GALNTL6: variants seen among roughly 807,000 people sequenced by gnomAD.
GALNTL6 encodes the protein polypeptide N-acetylgalactosaminyltransferase-like 6.
GALNTL6 carries 46 observed loss-of-function variants against 73.7 expected under a neutral mutation model. The ratio of observed to expected loss-of-function variants is 0.62; its 90% CI spans 0.49 to 0.80. GALNTL6 has a LOEUF of 0.80. Among genes scored for constraint, GALNTL6 ranks in the 30% least tolerant of loss-of-function variants. The probability of loss-of-function intolerance (pLI) is 0.00; values close to 1 mark genes in which losing one functional copy is unlikely to be tolerated. For missense variants in GALNTL6, 604 were observed against 755.0 expected, an observed-to-expected ratio of 0.80 and a Z score of 2.34; for synonymous variants, 259 against 263.7, an observed-to-expected ratio of 0.98 and a Z score of 0.17.
intron 2 of GALNTL6, among the ~76,000 whole-genome samples, chr4:172,026,452 A>G (rs1579070601): frequency 1.3e-5 from 2 of 152,162 alleles, no homozygotes; most frequent in African/African-American, 2.4e-5. Flanking sequence ...TATCTGCACT[A>G]TACAATACAT....
At chr4:173,033,802 T>G (rs2126538450) in intron 12 of GALNTL6, among the ~76,000 whole-genome samples, 1 of 152,330 alleles carries the variant, frequency 6.6e-6, no homozygotes, top group East Asian at 1.9e-4. Context: ...AGGAGTTCTC[T>G]CTTACAGAAA....
At chr4:172,134,278 G>A (rs1191301764) in intron 2 of GALNTL6, among the ~76,000 whole-genome samples, 1 of 151,866 alleles carries the variant, frequency 6.6e-6, no homozygotes, top group African/African-American at 2.4e-5. Context: ...CCAGCTACTC[G>A]GGAGGCTGAG....
chr4:172,202,361 G>C (rs1735981828), intron 2 of GALNTL6, among the ~76,000 whole-genome samples: 2 of 152,012 alleles, frequency 1.3e-5, no homozygotes, highest in African/African-American at 4.8e-5. Flanking sequence ...TTTGTATTGG[G>C]TAAGTAAATA....
chr4:172,048,442 A>G (rs1367459180), intron 2 of GALNTL6, among the ~76,000 whole-genome samples: 2 of 152,168 alleles, frequency 1.3e-5, no homozygotes, highest in African/African-American at 2.4e-5. Context: ...CTATTTGAAT[A>G]AAATATCTGC....
intron 2 of GALNTL6, among the ~76,000 whole-genome samples, chr4:172,144,418 A>G (rs1464128472): frequency 1.3e-5 from 2 of 152,182 alleles, no homozygotes; most frequent in Non-Finnish European, 2.9e-5. Flanking sequence ...GAGTTACTCA[A>G]TGTTTCTGAG....
At chr4:172,957,398 T>C (rs1355868514) in intron 10 of GALNTL6, among the ~76,000 whole-genome samples, 1 of 152,094 alleles carries the variant, frequency 6.6e-6, no homozygotes, top group Non-Finnish European at 1.5e-5. Flanking sequence ...ATTTGTCTTG[T>C]GTGGGAAGAG....
intron 5 of GALNTL6, among the ~76,000 whole-genome samples, chr4:172,428,457 A>G (rs750672611): frequency 3.3e-5 from 5 of 152,196 alleles, no homozygotes; most frequent in Non-Finnish European, 7.3e-5. Context: ...GACACATAGT[A>G]TGATTATTAG....
chr4:172,973,913 T>G (rs1357795068), intron 10 of GALNTL6, among the ~76,000 whole-genome samples: 1 of 152,178 alleles, frequency 6.6e-6, no homozygotes, highest in East Asian at 1.9e-4. Flanking sequence ...TTGGGAAATG[T>G]ATAGATGAGG....
At chr4:171,868,248 CA>C (rs978101317) in intron 2 of GALNTL6, among the ~76,000 whole-genome samples, 1 of 152,108 alleles carries the variant, frequency 6.6e-6, no homozygotes, top group Non-Finnish European at 1.5e-5. Flanking sequence ...CTCAACCTTC[CA>C]AAATGCTGAG....
chr4:172,970,325 A>AT (rs1161570778), intron 10 of GALNTL6, among the ~76,000 whole-genome samples: 1 of 152,044 alleles, frequency 6.6e-6, no homozygotes, highest in Non-Finnish European at 1.5e-5. Context: ...CCAGGGCAGG[A>AT]TTTTTTCCCC....
chr4:171,956,405 A>G (rs759842525), intron 2 of GALNTL6, among the ~76,000 whole-genome samples: 11 of 152,186 alleles, frequency 7.2e-5, no homozygotes, highest in Non-Finnish European at 1.3e-4. Flanking sequence ...ATAAATTCCT[A>G]GAATTATTTA....
chr4:172,827,513 C>T (rs1411900719), intron 7 of GALNTL6, among the ~76,000 whole-genome samples: 1 of 152,218 alleles, frequency 6.6e-6, no homozygotes, highest in Admixed American at 6.5e-5. Context: ...CCTCTATGTT[C>T]TGGAATCCTA....
intron 8 of GALNTL6, among the ~76,000 whole-genome samples, chr4:172,921,627 T>C (rs374940788): frequency 2.6e-5 from 4 of 151,896 alleles, no homozygotes; most frequent in African/African-American, 7.3e-5. Context: ...GAAACCTGTC[T>C]CTACTAAAAA....
intron 2 of GALNTL6, among the ~76,000 whole-genome samples, chr4:172,011,573 G>T (rs1171723864): frequency 6.6e-6 from 1 of 151,896 alleles, no homozygotes; most frequent in Non-Finnish European, 1.5e-5. Context: ...TTTTTTTAGG[G>T]CACTTTTATT....
At chr4:171,963,807 A>G (rs1216669574) in intron 2 of GALNTL6, among the ~76,000 whole-genome samples, 1 of 152,194 alleles carries the variant, frequency 6.6e-6, no homozygotes, top group African/African-American at 2.4e-5. Flanking sequence ...AAAGGCCTAT[A>G]TGTTAGGAGT....
intron 3 of GALNTL6, among the ~76,000 whole-genome samples, chr4:172,299,310 A>G (rs758820830): frequency 9.2e-5 from 14 of 152,244 alleles, no homozygotes; most frequent in Middle Eastern, 6.8e-3. Context: ...GATCTTTTCA[A>G]AAAACCAGCT....
At chr4:172,375,991 A>C (rs558239607) in intron 5 of GALNTL6, among the ~76,000 whole-genome samples, 4 of 152,158 alleles carry the variant, frequency 2.6e-5, no homozygotes, top group Non-Finnish European at 4.4e-5. Flanking sequence ...ATGAATAGGA[A>C]GGATACAATT....
intron 2 of GALNTL6, among the ~76,000 whole-genome samples, chr4:172,050,733 A>T (rs1369490674): frequency 1.3e-5 from 2 of 152,074 alleles, no homozygotes; most frequent in African/African-American, 4.8e-5. Flanking sequence ...AATTCCTTAT[A>T]TACTTCTCCA....
intron 7 of GALNTL6, among the ~76,000 whole-genome samples, chr4:172,838,708 C>T (rs1743045446): frequency 6.6e-6 from 1 of 152,170 alleles, no homozygotes; most frequent in Admixed American, 6.5e-5. Flanking sequence ...TCTTTCACCC[C>T]TCCCTACTTA....
Sources: gnomAD v4.1 joint callset for allele counts (sites outside exome capture counted in the v4.1 genomes callset) on GRCh38, gnomAD v4.1.1 for gene constraint, MANE v1.5 for transcripts, NCBI Gene and HGNC (gene_info 2026-07-23, HGNC 2026-07-21) for gene names.